The following PIK3R4 variants were observed in gnomAD, a reference collection of about 807,000 sequenced individuals.
PIK3R4 encodes phosphoinositide 3-kinase regulatory subunit 4.
A neutral mutation model predicts 136.5 loss-of-function variants in PIK3R4; 46 were observed. The observed-to-expected ratio is 0.34, with a 90% CI of 0.27 to 0.43. The LOEUF is 0.43. Ranked by LOEUF, PIK3R4 falls within the 20% of genes least tolerant of loss-of-function variation. The pLI, the probability that PIK3R4 is intolerant of heterozygous loss-of-function variation, is 1.00. For missense variants in PIK3R4, 1,331 were observed against 1,649.5 expected, an observed-to-expected ratio of 0.81 and a Z score of 3.35; for synonymous variants, 557 against 566.7, an observed-to-expected ratio of 0.98 and a Z score of 0.24.
intron 2 of PIK3R4, among the ~76,000 whole-genome samples, chr3:130,741,767 AAGCTT>A (rs1353713290): frequency 1.3e-5 from 2 of 152,156 alleles, no homozygotes; most frequent in Non-Finnish European, 2.9e-5. Flanking sequence ...ATAATGGCAA[AAGCTT>A]AGTCAACTGT....
In PIK3R4 at chr3:130,733,807, A is replaced by T. The variant is rs55793711; in HGVS notation, c.1191T>A (p.Ala397=). 82 of 1,614,078 alleles carry T rather than the reference A, an allele frequency of 5.1e-5. No individual in the cohort carries two copies. The highest frequency in any genetic ancestry group is 6.7e-5 in the Non-Finnish European group (79 of 1,180,022). ...QTLKYCDSKL[A]ALELILHLAP... ...CCAAATGAAGAATCAGTTCCAAAGC[A>T]GCTAGTTTGGAATCACAGTATTTAA... Residue 397 remains alanine, a synonymous_variant, in exon 4 of 20, where the codon GCT becomes GCA. Transcript: ENST00000356763.
intron 12 of PIK3R4, among the ~76,000 whole-genome samples, chr3:130,704,331 T>G (rs929386971): frequency 5.3e-5 from 8 of 152,252 alleles, no homozygotes; most frequent in African/African-American, 1.7e-4. Context: ...AACTTTTCAC[T>G]GTTTTTAAAG....
At chr3:130,698,898 A>G (rs2066561342) in intron 13 of PIK3R4, among the ~76,000 whole-genome samples, 1 of 152,234 alleles carries the variant, frequency 6.6e-6, no homozygotes, top group Admixed American at 6.5e-5. Context: ...TGATCACCTA[A>G]TAACTGGCAG....
chr3:130,686,904 T>C (rs2066493790), intron 14 of PIK3R4, among the ~76,000 whole-genome samples: 1 of 152,200 alleles, frequency 6.6e-6, no homozygotes, highest in Admixed American at 6.5e-5. Flanking sequence ...TTGGGTTTGT[T>C]TGATGTTTTC....
At position 130,745,245 on chromosome 3, in the gene PIK3R4, G is replaced by A. The variant is rs370231497; in HGVS notation, c.-27C>T. The A allele has an allele frequency of 2.9e-5, 45 of 1,561,362 alleles. No homozygotes were observed. The highest frequency in any genetic ancestry group is 3.5e-5 in the Non-Finnish European group (41 of 1,164,074). On this transcript the variant is annotated 5_prime_UTR_variant, in exon 2 of 20. Transcript: ENST00000356763. ...ATGGCAAGCACCTCTGTGGTCTTTA[G>A]TAAGGTTAGGATATAATACCTGTTT...
intron 4 of PIK3R4, 63 bp from the exon 5 acceptor site, chr3:130,730,505 C>T (rs1438084722): frequency 1.4e-5 from 16 of 1,178,998 alleles, no homozygotes; most frequent in Middle Eastern, 3.0e-4. Context: ...AGCTTATTAA[C>T]TTTTCCTCCC....
chr3:130,727,780 A>G (rs1393217737), intron 6 of PIK3R4, among the ~76,000 whole-genome samples: 2 of 152,220 alleles, frequency 1.3e-5, no homozygotes, highest in Admixed American at 1.3e-4. Context: ...AGAGAAAAAT[A>G]TTAAATCCTG....
At chr3:130,727,343 C>CT (rs915061163) in intron 6 of PIK3R4, among the ~76,000 whole-genome samples, 2 of 151,782 alleles carry the variant, frequency 1.3e-5, no homozygotes, top group Non-Finnish European at 2.9e-5. Context: ...GCCTCAGCCC[C>CT]CCTCCCGCCG....
chr3:130,701,050 G>C (rs760211106), intron 13 of PIK3R4, among the ~76,000 whole-genome samples: 2 of 152,164 alleles, frequency 1.3e-5, no homozygotes, highest in Non-Finnish European at 2.9e-5. Context: ...TCTAAAGCAT[G>C]ACACTGGGAT....
At chr3:130,718,583 T>C in intron 7 of PIK3R4, 49 bp from the exon 8 acceptor site, 3 of 1,595,560 alleles carry the variant, frequency 1.9e-6, no homozygotes, top group East Asian at 4.5e-5. Context: ...TTTCAAACTA[T>C]CGGGATAAAC....
intron 14 of PIK3R4, among the ~76,000 whole-genome samples, chr3:130,688,429 T>C (rs952342455): frequency 4.2e-4 from 64 of 152,350 alleles, no homozygotes; most frequent in African/African-American, 1.5e-3. Flanking sequence ...TTCAATGTGA[T>C]TATGTGATTC....
Position 130,708,282 on chromosome 3 carries a change from C to T in PIK3R4, c.2533+9G>A. The stretch of plus-strand genomic sequence containing the variant: ...AACAAGCTACACACACACAAACAAG[C>T]ATACTAACCCCGTTTGTCATCTGGT... On this transcript the variant is annotated intron_variant, in intron 10 of 19. Transcript: ENST00000356763. 6.2e-7 allele frequency: 1 copy of T among 1,605,032 alleles called. No individual in the cohort carries two copies. Among genetic ancestry groups the T allele is most frequent in the Non-Finnish European group, 8.5e-7 (1 of 1,172,140 alleles).
At chr3:130,738,493 C>T (rs747073085) in intron 2 of PIK3R4, among the ~76,000 whole-genome samples, 1 of 152,102 alleles carries the variant, frequency 6.6e-6, no homozygotes, top group African/African-American at 2.4e-5. Context: ...GTACAACACA[C>T]ACACACTACA....
Position 130,733,539 on chromosome 3 carries a change from A to C in PIK3R4, c.1450+9T>G. On this transcript the variant is annotated intron_variant, in intron 4 of 19. Coordinates refer to ENST00000356763, the MANE Select transcript of PIK3R4 (RefSeq NM_014602.3). ...CTAAGTGGCTAATATTTGGACAATA[A>C]ACTCTTACCAGCATAGGCTAGTCTA... 1 of 1,575,920 alleles carries C rather than the reference A, an allele frequency of 6.3e-7. No homozygotes were observed. The highest frequency in any genetic ancestry group is 8.7e-7 in the Non-Finnish European group (1 of 1,146,840).
chr3:130,736,351 C>G (rs1023172234), intron 2 of PIK3R4, among the ~76,000 whole-genome samples: 2 of 152,142 alleles, frequency 1.3e-5, no homozygotes, highest in Non-Finnish European at 2.9e-5. Context: ...AGCAGATCAT[C>G]TGATGTCAGG....
intron 4 of PIK3R4, among the ~76,000 whole-genome samples, chr3:130,730,706 CAA>C (rs767601811): frequency 2.4e-4 from 30 of 123,414 alleles, no homozygotes; most frequent in Non-Finnish European, 2.8e-4. Context: ...TACTGAGGAC[CAA>C]AAAAAAAAAA....
chr3:130,710,336 G>GA (rs2066626970), intron 9 of PIK3R4, among the ~76,000 whole-genome samples: 1 of 151,810 alleles, frequency 6.6e-6, no homozygotes, highest in South Asian at 2.1e-4. Flanking sequence ...TAACAGAACA[G>GA]AAAAACCATA....
At chr3:130,715,993 G>A (rs1353474872) in intron 9 of PIK3R4, among the ~76,000 whole-genome samples, 1 of 152,138 alleles carries the variant, frequency 6.6e-6, no homozygotes, top group East Asian at 1.9e-4. Context: ...AATTTGGATC[G>A]AAATGAACCA....
intron 13 of PIK3R4, among the ~76,000 whole-genome samples, chr3:130,695,481 A>G (rs1314524737): frequency 6.6e-6 from 1 of 152,176 alleles, no homozygotes; most frequent in Non-Finnish European, 1.5e-5. Flanking sequence ...GAGTAGTGTG[A>G]TAAAATCTCA....
Sources: gnomAD v4.1 joint callset for allele counts (sites outside exome capture counted in the v4.1 genomes callset) on GRCh38, gnomAD v4.1.1 for gene constraint, MANE v1.5 for transcripts, NCBI Gene and HGNC (gene_info 2026-07-23, HGNC 2026-07-21) for gene names.